The following RCC2 variants were observed in gnomAD, a reference collection of about 807,000 sequenced individuals.
RCC2 encodes the protein regulator of chromosome condensation 2, also known as protein RCC2.
RCC2 carries 19 observed loss-of-function variants against 64.1 expected under a neutral mutation model. The observed-to-expected ratio is 0.30, with a 90% CI of 0.21 to 0.44. The LOEUF is 0.44. Ranked by LOEUF, RCC2 falls within the 20% of genes least tolerant of loss-of-function variation. The pLI is 1.00. For synonymous variants in RCC2, 325 were observed against 279.6 expected, an observed-to-expected ratio of 1.16 and a Z score of -1.62; for missense variants, 508 against 710.4, an observed-to-expected ratio of 0.72 and a Z score of 3.24.
chr1:17,431,312 C>CAACAA, intron 2 of RCC2, among the ~76,000 whole-genome samples: 1 of 101,602 alleles, frequency 9.8e-6, no homozygotes, highest in Non-Finnish European at 1.9e-5. Flanking sequence ...CCAGCCTGGG[C>CAACAA]GACTGAGCAA....
intron 2 of RCC2, among the ~76,000 whole-genome samples, chr1:17,434,563 A>C (rs888067497): frequency 1.3e-5 from 2 of 152,224 alleles, no homozygotes; most frequent in African/African-American, 4.8e-5. Flanking sequence ...CCAATAAATT[A>C]ATCGACCCCA....
In RCC2 at chr1:17,407,254, C is replaced by G. The variant is rs962041296; in HGVS notation, c.*1836G>C. On this transcript the variant is annotated 3_prime_UTR_variant, in exon 13 of 13. Transcript: ENST00000375436. ...GCAAAGGCTGGGACCTCGGGTGCTG[C>G]GTCCTCAACCCTCTCGGTGACCACG... The G allele has an allele frequency of 2.0e-5, 3 of 152,060 alleles. No individual in the cohort carries two copies. Among genetic ancestry groups the G allele is most frequent in the Admixed American group, 2.0e-4 (3 of 15,268 alleles). 9.4% of individuals were successfully genotyped at this position (152,060 alleles called of 1,614,324 possible). A position where few individuals can be genotyped will look rare whatever the true frequency, so the allele number is the denominator to read the frequency against.
chr1:17,416,542 C>T lies in RCC2; in HGVS notation c.964G>A (p.Gly322Arg), dbSNP rs1197829328. The T allele has an allele frequency of 6.2e-7, 1 of 1,613,962 alleles. No individual in the cohort carries two copies. The highest frequency in any genetic ancestry group is 8.5e-7 in the Non-Finnish European group (1 of 1,180,046). Reference protein sequence around the residue: ...VAIFIEKTKDGQILPVPNVVV... With the variant: ...VAIFIEKTKDRQILPVPNVVV... ...ACGTTTGGTACAGGCAGAATCTGTC[C>T]ATCTTTCGTCTTCTCAATGAAGATG... Residue 322 changes from glycine to arginine, a missense_variant, in exon 8 of 13, where the codon GGA becomes AGA. Around this residue, in one of 4 missense-constraint regions of RCC2, gnomAD observed 179 missense variants for 322.0 expected, o/e 0.56. Transcript: ENST00000375436.
At position 17,438,418 on chromosome 1, in the gene RCC2, C is replaced by A. The variant is rs564876055; in HGVS notation, c.97G>T (p.Gly33Cys). 7.6e-3 allele frequency: 9,708 copies of A among 1,269,992 alleles called. 50 individuals are homozygous for A. The highest frequency in any genetic ancestry group is 8.6e-3 in the Non-Finnish European group (8,664 of 1,012,066). The allele number at this position is 1,269,992 out of a possible 1,614,324, so 78.7% of individuals were successfully genotyped here. A position where few individuals can be genotyped will look rare whatever the true frequency, so the allele number is the denominator to read the frequency against. The change falls in exon 2 of 13, where the codon GGC (glycine) becomes TGC (cysteine). Residue 33 changes from glycine to cysteine, a missense_variant. Physicochemically the swap from Gly to Cys is radical, Grantham distance 159. Around this residue, in one of 4 missense-constraint regions of RCC2, gnomAD observed 195 missense variants for 158.3 expected, o/e 1.23. Coordinates refer to ENST00000375436, the MANE Select transcript of RCC2 (RefSeq NM_018715.4). ...CGCTCGGGCCGCTCGCGCTTCCTGCCCGCCGGGCCGCCGCGTTTCCTGGGC... is the reference window on the plus strand; with the variant it reads ...CGCTCGGGCCGCTCGCGCTTCCTGCACGCCGGGCCGCCGCGTTTCCTGGGC... ...AGPRKRGGPA[G>C]RKRERPERCS...
intron 2 of RCC2, among the ~76,000 whole-genome samples, chr1:17,433,733 G>A (rs944350626): frequency 1.3e-5 from 2 of 152,172 alleles, no homozygotes; most frequent in Non-Finnish European, 2.9e-5. Flanking sequence ...GGGATTTCTA[G>A]TCTAAAGCAA....
chr1:17,410,644 TG>T (rs1162725340), intron 11 of RCC2, among the ~76,000 whole-genome samples: 1 of 152,068 alleles, frequency 6.6e-6, no homozygotes, highest in Non-Finnish European at 1.5e-5. Flanking sequence ...CTGAAGGCCC[TG>T]GCTCAGGTGA....
chr1:17,413,033 A>C lies in RCC2; in HGVS notation c.1313+40T>G, dbSNP rs1364762895. ...TGGGTGTGTCTGACACCCCCATGAAAGGAAGAGACCTCATACCCACAGGAG... is the reference window on the plus strand; with the variant it reads ...TGGGTGTGTCTGACACCCCCATGAACGGAAGAGACCTCATACCCACAGGAG... On this transcript the variant is annotated intron_variant, in intron 10 of 12. Coordinates refer to ENST00000375436, the MANE Select transcript of RCC2 (RefSeq NM_018715.4). The C allele has an allele frequency of 3.4e-6, 5 of 1,467,974 alleles. No homozygotes were observed. In the Admixed American group the frequency reaches 6.7e-5, roughly 20 times the overall value. The allele number at this position is 1,467,974 out of a possible 1,614,324, so 90.9% of individuals were successfully genotyped here.
chr1:17,426,200 C>T (rs935352131), intron 3 of RCC2, among the ~76,000 whole-genome samples: 4 of 152,118 alleles, frequency 2.6e-5, no homozygotes, highest in East Asian at 3.9e-4. Flanking sequence ...CCTCCATCTC[C>T]GGCCTTCACC....
chr1:17,421,535 T>C (rs2075556289), intron 6 of RCC2, among the ~76,000 whole-genome samples: 1 of 152,092 alleles, frequency 6.6e-6, no homozygotes, highest in Non-Finnish European at 1.5e-5. Context: ...ATTTGTATTC[T>C]AAGCATCTGG....
intron 12 of RCC2, 120 bp from the exon 13 acceptor site, chr1:17,409,314 G>A (rs2075400236): frequency 2.9e-6 from 2 of 695,134 alleles, no homozygotes; most frequent in African/African-American, 1.8e-5. Flanking sequence ...GAGTGCCCTT[G>A]AAAACTGCAA....
In RCC2 at chr1:17,407,387, G is replaced by C. The variant is rs572575088; in HGVS notation, c.*1703C>G. The C allele has an allele frequency of 6.6e-6, 1 of 152,292 alleles. No individual in the cohort carries two copies. The highest frequency in any genetic ancestry group is 1.5e-5 in the Non-Finnish European group (1 of 68,070). 9.4% of individuals were successfully genotyped at this position (152,292 alleles called of 1,614,324 possible). The stretch of plus-strand genomic sequence containing the variant: ...ATCAGGCTGTCGCATGGAAGCTTAC[G>C]TCAGAGATGGTGGTTTTGGGGTGAT... On this transcript the variant is annotated 3_prime_UTR_variant, in exon 13 of 13. Transcript: ENST00000375436.
chr1:17,409,344 C>A, intron 12 of RCC2, 150 bp from the exon 13 acceptor site: 2 of 628,552 alleles, frequency 3.2e-6, no homozygotes, highest in Admixed American at 2.7e-5. Flanking sequence ...CTGCCCAAGA[C>A]AGCTAGTTTC....
At chr1:17,437,941 G>A (rs2075757017) in intron 2 of RCC2, among the ~76,000 whole-genome samples, 1 of 144,664 alleles carries the variant, frequency 6.9e-6, no homozygotes, top group South Asian at 2.1e-4. Context: ...TGACCCCCTC[G>A]TGCGGGCTTC....
At chr1:17,430,453 C>T (rs1416009139) in intron 2 of RCC2, among the ~76,000 whole-genome samples, 4 of 144,576 alleles carry the variant, frequency 2.8e-5, no homozygotes, top group African/African-American at 1.0e-4. Context: ...ATCACACCTG[C>T]TCTCCAGCTT....
chr1:17,413,115 A>G lies in RCC2; in HGVS notation c.1271T>C (p.Val424Ala). 6.2e-7 allele frequency: 1 copy of G among 1,614,148 alleles called. No individual in the cohort carries two copies. The highest frequency in any genetic ancestry group is 8.5e-7 in the Non-Finnish European group (1 of 1,180,024). Reference sequence around the variant, plus strand: ...GATTCTCCAGCCGCAGAGGTCCTGCACTGCTTTTGGGTACATGGTAGATTC... The same window carrying G: ...GATTCTCCAGCCGCAGAGGTCCTGCGCTGCTTTTGGGTACATGGTAGATTC... ...SRESTMYPKA[V>A]QDLCGWRIRS... Residue 424 changes from valine to alanine, a missense_variant, in exon 10 of 13, where the codon GTG (valine) becomes GCG (alanine). This residue lies in a region of RCC2 where 179 missense variants were observed against 322.0 expected (regional missense o/e 0.56). Coordinates refer to ENST00000375436, the MANE Select transcript of RCC2 (RefSeq NM_018715.4).
Position 17,409,096 on chromosome 1 carries a change from G to A in RCC2, c.1563C>T (p.Thr521=), listed in dbSNP as rs369429879. 43 of 1,610,654 alleles carry A rather than the reference G, an allele frequency of 2.7e-5. No homozygotes were observed. The highest frequency in any genetic ancestry group is 3.3e-4 in the Middle Eastern group (2 of 6,052). Residue 521 remains threonine (T), a synonymous_variant, in exon 13 of 13, where the codon ACC becomes ACT. Coordinates refer to ENST00000375436, the MANE Select transcript of RCC2 (RefSeq NM_018715.4). ...GGAGGAGTCTCCGGGAGCATCAGAG[G>A]GTTCGGGGGTTGTATTCTGGCAGTT... The part of the protein sequence containing the change: ...IKKLPEYNPR[T]L
intron 2 of RCC2, 55 bp downstream of exon 2, chr1:17,438,175 C>T: frequency 8.8e-7 from 1 of 1,131,290 alleles, no homozygotes. Context: ...TGCCGCGTCG[C>T]TGAGCCCGCC....
At chr1:17,426,831 C>T (rs1274435410) in intron 3 of RCC2, among the ~76,000 whole-genome samples, 3 of 144,192 alleles carry the variant, frequency 2.1e-5, no homozygotes, top group African/African-American at 7.8e-5. Flanking sequence ...GGCACAATCT[C>T]GGTTCACTGC....
chr1:17,409,132 CTCTT>C lies in RCC2; in HGVS notation c.1523_1526del (p.Lys508ArgfsTer66). ...TGTATTCTGGCAGTTTCTTGATCTT[CTCTT>C]TCTCAGTCTCACTTTCATCTCTTGC... On this transcript the variant is annotated frameshift_variant, in exon 13 of 13. Transcript: ENST00000375436. LOFTEE classifies it high-confidence loss of function. The C allele has an allele frequency of 6.2e-7, 1 of 1,614,152 alleles. No homozygotes were observed. Among genetic ancestry groups the C allele is most frequent in the Non-Finnish European group, 8.5e-7 (1 of 1,179,996 alleles).
Sources: gnomAD v4.1 joint callset for allele counts (sites outside exome capture counted in the v4.1 genomes callset) on GRCh38, gnomAD v4.1.1 for gene constraint, gnomAD v4.1.1 regional missense constraint, MANE v1.5 for transcripts, NCBI Gene and HGNC (gene_info 2026-07-23, HGNC 2026-07-21) for gene names.